Variants in ZNF385D observed in about 807,000 individuals in gnomAD.
ZNF385D encodes zinc finger protein 385D, also known as zinc finger protein 659.
ZNF385D carries 15 observed loss-of-function variants against 35.8 expected under a neutral mutation model. That is an observed-to-expected ratio of 0.42 (90% CI 0.28 to 0.64). ZNF385D has a LOEUF of 0.64. Ranked by LOEUF, ZNF385D falls within the 30% of genes least tolerant of loss-of-function variation. ZNF385D has a pLI of 0.23. For missense variants in ZNF385D, 474 were observed against 494.6 expected (o/e 0.96, Z 0.39); for synonymous variants, 212 against 186.8 (o/e 1.13, Z -1.10).
chr3:22,179,879 A>T (rs1695108589), intron 2 of ZNF385D, among the ~76,000 whole-genome samples: 1 of 152,214 alleles, frequency 6.6e-6, no homozygotes, highest in South Asian at 2.1e-4. Context: ...TAAAAGAACT[A>T]GAGAAGCAAG....
chr3:22,093,908 A>G (rs990919987), intron 3 of ZNF385D, among the ~76,000 whole-genome samples: 2 of 152,126 alleles, frequency 1.3e-5, no homozygotes, highest in African/African-American at 4.8e-5. Context: ...GAAGACATCA[A>G]TATATCCACA....
chr3:21,613,930 T>C (rs1184836781), intron 2 of ZNF385D, among the ~76,000 whole-genome samples: 1 of 152,188 alleles, frequency 6.6e-6, no homozygotes, highest in African/African-American at 2.4e-5. Context: ...AATATAAGAA[T>C]GACTCAAACA....
At chr3:21,814,490 T>C (rs1388959726) in intron 3 of ZNF385D, among the ~76,000 whole-genome samples, 1 of 152,018 alleles carries the variant, frequency 6.6e-6, no homozygotes, top group Non-Finnish European at 1.5e-5. Context: ...TGGAGGAAGA[T>C]CTACCAAGCA....
intron 3 of ZNF385D, among the ~76,000 whole-genome samples, chr3:22,043,291 G>A (rs541112090): frequency 2.4e-4 from 37 of 152,244 alleles, no homozygotes; most frequent in Non-Finnish European, 2.2e-4. Flanking sequence ...TTCAAACACC[G>A]TCAAAGATTA....
intron 3 of ZNF385D, among the ~76,000 whole-genome samples, chr3:21,825,546 G>T (rs1003562995): frequency 6.6e-6 from 1 of 152,066 alleles, no homozygotes; most frequent in Non-Finnish European, 1.5e-5. Flanking sequence ...CCTTGTGAAT[G>T]ACATAGGCCC....
At chr3:22,306,784 C>T (rs1334555505) in intron 2 of ZNF385D, among the ~76,000 whole-genome samples, 1 of 152,034 alleles carries the variant, frequency 6.6e-6, no homozygotes, top group Non-Finnish European at 1.5e-5. Flanking sequence ...GCTTTCCAGG[C>T]TAGGCTTACT....
chr3:21,517,244 C>G (rs1468775924), intron 3 of ZNF385D, among the ~76,000 whole-genome samples: 1 of 152,062 alleles, frequency 6.6e-6, no homozygotes, highest in Non-Finnish European at 1.5e-5. Context: ...TAAAGTAGCA[C>G]CTGCTGTGTC....
chr3:21,700,859 C>T (rs2067656703), intron 1 of ZNF385D, among the ~76,000 whole-genome samples: 1 of 152,176 alleles, frequency 6.6e-6, no homozygotes, highest in Admixed American at 6.5e-5. Flanking sequence ...GTTACAATTT[C>T]CTGTAATGCT....
intron 3 of ZNF385D, among the ~76,000 whole-genome samples, chr3:21,908,477 A>G (rs927480620): frequency 3.5e-4 from 54 of 152,202 alleles, no homozygotes; most frequent in African/African-American, 1.2e-3. Flanking sequence ...CCAAGTGTGT[A>G]AAGAGATCAC....
intron 3 of ZNF385D, among the ~76,000 whole-genome samples, chr3:21,911,212 T>C (rs1699944115): frequency 6.6e-6 from 1 of 151,966 alleles, no homozygotes; most frequent in South Asian, 2.1e-4. Context: ...AAGTAATTGC[T>C]ACCTTGAAAT....
chr3:22,058,094 G>A (rs1458520216), intron 3 of ZNF385D, among the ~76,000 whole-genome samples: 3 of 152,176 alleles, frequency 2.0e-5, no homozygotes, highest in Non-Finnish European at 2.9e-5. Context: ...TACACAAGCT[G>A]ACAGACAGCA....
chr3:21,781,805 T>C (rs2071498977), intron 3 of ZNF385D, among the ~76,000 whole-genome samples: 1 of 149,886 alleles, frequency 6.7e-6, no homozygotes, highest in African/African-American at 2.5e-5. Flanking sequence ...TTCTTACAAG[T>C]AGATTTCTGG....
chr3:21,709,080 C>T (rs889694422), intron 1 of ZNF385D, among the ~76,000 whole-genome samples: 3 of 152,152 alleles, frequency 2.0e-5, no homozygotes, highest in Non-Finnish European at 2.9e-5. Flanking sequence ...AATACTTCCT[C>T]TCATATTTCT....
intron 3 of ZNF385D, among the ~76,000 whole-genome samples, chr3:22,020,894 A>T (rs181432099): frequency 1.9e-4 from 29 of 152,170 alleles, no homozygotes; most frequent in Admixed American, 1.4e-3. Flanking sequence ...TGAACAGGTC[A>T]TTAGATAAGG....
chr3:22,134,331 A>G (rs914844967), intron 3 of ZNF385D: 3 of 152,126 alleles, frequency 2.0e-5, no homozygotes, highest in Non-Finnish European at 4.4e-5. Context: ...AGAAGATATA[A>G]TGCTAAATGG....
At chr3:21,457,697 C>G (rs1702909027) in intron 4 of ZNF385D, among the ~76,000 whole-genome samples, 1 of 152,218 alleles carries the variant, frequency 6.6e-6, no homozygotes, top group African/African-American at 2.4e-5. Flanking sequence ...TGATTTCCAA[C>G]AGCCTTCCAG....
intron 3 of ZNF385D, among the ~76,000 whole-genome samples, chr3:21,915,177 G>A (rs1037068583): frequency 3.3e-5 from 5 of 151,802 alleles, no homozygotes; most frequent in Non-Finnish European, 5.9e-5. Context: ...GTTACTTGAC[G>A]GTACTGAGGT....
intron 3 of ZNF385D, among the ~76,000 whole-genome samples, chr3:21,871,896 C>T (rs1221463048): frequency 6.6e-6 from 1 of 151,916 alleles, no homozygotes; most frequent in African/African-American, 2.4e-5. Flanking sequence ...ACTCAGGAGG[C>T]TGAGACAGGA....
At chr3:21,927,346 G>A (rs568365936) in intron 3 of ZNF385D, among the ~76,000 whole-genome samples, 47 of 152,044 alleles carry the variant, frequency 3.1e-4, no homozygotes, top group African/African-American at 1.0e-3. Context: ...TAAGAAAATC[G>A]TGCATTGCAA....
Sources: gnomAD v4.1 joint callset for allele counts (sites outside exome capture counted in the v4.1 genomes callset) on GRCh38, gnomAD v4.1.1 for gene constraint, MANE v1.5 for transcripts, NCBI Gene and HGNC (gene_info 2026-07-23, HGNC 2026-07-21) for gene names.